BSPRY: variants seen among roughly 807,000 people sequenced by gnomAD.
BSPRY encodes B-box and SPRY domain containing.
A neutral mutation model predicts 38.0 loss-of-function variants in BSPRY; 33 were observed. The observed-to-expected ratio is 0.87, with a 90% CI of 0.66 to 1.16. BSPRY has a LOEUF of 1.16. Ranked by LOEUF, BSPRY falls within the 50% of genes most tolerant of loss-of-function variation. BSPRY has a pLI of 0.00. For missense variants in BSPRY, 523 were observed against 533.2 expected, an observed-to-expected ratio of 0.98 and a Z score of 0.19; for synonymous variants, 224 against 228.5, an observed-to-expected ratio of 0.98 and a Z score of 0.18.
intron 2 of BSPRY, among the ~76,000 whole-genome samples, chr9:113,359,901 A>G (rs997936598): frequency 6.6e-6 from 1 of 152,052 alleles, no homozygotes; most frequent in African/African-American, 2.4e-5. Flanking sequence ...AAAATTTCCC[A>G]TTCAGTCAAT....
chr9:113,350,441 C>T (rs7869980), intron 1 of BSPRY, among the ~76,000 whole-genome samples: 4,556 of 152,182 alleles, frequency 0.03, 140 homozygotes, highest in African/African-American at 0.081. Context: ...GGGAGAATAT[C>T]AGGGGATTCC....
At chr9:113,363,571 G>GT (rs1049716461) in intron 4 of BSPRY, among the ~76,000 whole-genome samples, 3 of 152,064 alleles carry the variant, frequency 2.0e-5, no homozygotes, top group Non-Finnish European at 4.4e-5. Context: ...GTATGTGGCG[G>GT]TTTTTTGGTT....
chr9:113,366,474 C>T (rs1463601397), intron 4 of BSPRY, among the ~76,000 whole-genome samples: 1 of 152,234 alleles, frequency 6.6e-6, no homozygotes, highest in Non-Finnish European at 1.5e-5. Context: ...TGACTGGACA[C>T]TGCAGCAGAT....
rs899025447 is a variant in BSPRY, at chr9:113,370,145, T to C, written c.*3T>C. 2 of 1,544,268 alleles carry C rather than the reference T, an allele frequency of 1.3e-6. No individual in the cohort carries two copies. The highest frequency in any genetic ancestry group is 8.7e-7 in the Non-Finnish European group (1 of 1,146,264). On this transcript the variant is annotated 3_prime_UTR_variant, in exon 6 of 6. Coordinates refer to ENST00000374183, the MANE Select transcript of BSPRY (RefSeq NM_017688.3). The surrounding 1 kb of genome is among the most constrained non-coding windows in gnomAD (Gnocchi z 4.8). ...AGACCATTTCTATCGTCCGCTGACC[T>C]CTGGCCACAGGAAGCCAGGTCCACC...
chr9:113,355,757 A>G (rs1484873559), intron 2 of BSPRY, among the ~76,000 whole-genome samples: 1 of 151,160 alleles, frequency 6.6e-6, no homozygotes, highest in African/African-American at 2.4e-5. Flanking sequence ...TGGGATTACA[A>G]GCGCCCACCA....
chr9:113,352,572 C>G (rs750782523), intron 1 of BSPRY, among the ~76,000 whole-genome samples: 1 of 151,962 alleles, frequency 6.6e-6, no homozygotes, highest in Non-Finnish European at 1.5e-5. Context: ...ATTTAAGGAA[C>G]AGAAAGAAGG....
chr9:113,367,717 C>T (rs1466834673), intron 4 of BSPRY, among the ~76,000 whole-genome samples: 4 of 152,214 alleles, frequency 2.6e-5, no homozygotes, highest in African/African-American at 9.6e-5. Context: ...GCACCAAGAA[C>T]ACATCTTCCT....
chr9:113,364,771 G>A (rs939477082), intron 4 of BSPRY, among the ~76,000 whole-genome samples: 1 of 152,034 alleles, frequency 6.6e-6, no homozygotes, highest in African/African-American at 2.4e-5. Context: ...TAGAAACAAA[G>A]ACATTCCCTT....
chr9:113,368,235 T>C (rs113557723), intron 4 of BSPRY, 24 bp from the exon 5 acceptor site: 2 of 1,613,166 alleles, frequency 1.2e-6, no homozygotes, highest in Non-Finnish European at 1.7e-6. Flanking sequence ...CCTGAATCTC[T>C]GTCTCTGTTT....
intron 4 of BSPRY, among the ~76,000 whole-genome samples, chr9:113,365,662 G>A (rs561879742): frequency 6.6e-6 from 1 of 152,194 alleles, no homozygotes; most frequent in South Asian, 2.1e-4. Flanking sequence ...AGGGTACTCA[G>A]TGACCTTGCT....
chr9:113,365,733 A>AAGAG (rs750918178), intron 4 of BSPRY, among the ~76,000 whole-genome samples: 27,844 of 136,984 alleles, frequency 0.2, 2,784 homozygotes, highest in Middle Eastern at 0.25. Context: ...GAGAAAGAGA[A>AAGAG]AGAGAGAGAG....
chr9:113,359,708 T>G (rs1834117959), intron 2 of BSPRY, among the ~76,000 whole-genome samples: 1 of 152,170 alleles, frequency 6.6e-6, no homozygotes, highest in Admixed American at 6.5e-5. Flanking sequence ...AATTGCCATG[T>G]GAGCACTATG....
At chr9:113,362,252 T>C (rs971355508) in intron 3 of BSPRY, 117 bp from the exon 4 acceptor site, 2 of 959,020 alleles carry the variant, frequency 2.1e-6, no homozygotes, top group African/African-American at 3.2e-5. Flanking sequence ...TCTTAAAGAC[T>C]AGAAGTTTTT....
At chr9:113,360,091 A>G (rs1834123656) in intron 2 of BSPRY, among the ~76,000 whole-genome samples, 1 of 152,142 alleles carries the variant, frequency 6.6e-6, no homozygotes, top group South Asian at 2.1e-4. Context: ...GTGAAATATC[A>G]ACTGTACCAC....
rs1214389718 is a variant in BSPRY, at chr9:113,370,583, C to G, written c.*441C>G. The G allele has an allele frequency of 6.5e-6, 1 of 154,428 alleles. No homozygotes were observed. The highest frequency in any genetic ancestry group is 2.4e-5 in the African/African-American group (1 of 41,504). The allele number at this position is 154,428 out of a possible 1,614,324, so 9.6% of individuals were successfully genotyped here. A position where few individuals can be genotyped will look rare whatever the true frequency, so the allele number is the denominator to read the frequency against. ...CCAAATCCACCATGCATCTGCCCCT[C>G]TGAGGGTGTCTTCACTTTGTCTCTG... On this transcript the variant is annotated 3_prime_UTR_variant, in exon 6 of 6. Transcript: ENST00000374183. This position sits in a 1 kb window ranked among gnomAD's most constrained non-coding sequence, Gnocchi z 4.8.
intron 2 of BSPRY, among the ~76,000 whole-genome samples, chr9:113,360,207 T>G (rs752758): frequency 6.6e-6 from 1 of 151,996 alleles, no homozygotes; most frequent in Non-Finnish European, 1.5e-5. Context: ...CAACTGTGAT[T>G]AAGCAGAGTA....
Position 113,370,267 on chromosome 9 carries a change from C to A in BSPRY, c.*125C>A. The A allele has an allele frequency of 1.7e-6, 2 of 1,204,804 alleles. No homozygotes were observed. Among genetic ancestry groups the A allele is most frequent in the Non-Finnish European group, 2.3e-6 (2 of 875,354 alleles). The allele number at this position is 1,204,804 out of a possible 1,614,324, so 74.6% of individuals were successfully genotyped here. On this transcript the variant is annotated 3_prime_UTR_variant, in exon 6 of 6. Transcript: ENST00000374183. This position sits in a 1 kb window ranked among gnomAD's most constrained non-coding sequence, Gnocchi z 4.8. ...AGAAACAGGGCCCATAACCAGTGGGCAGCTTTAGGAGGGATGGGGATCTGT... is the reference window on the plus strand; with the variant it reads ...AGAAACAGGGCCCATAACCAGTGGGAAGCTTTAGGAGGGATGGGGATCTGT...
chr9:113,362,685 C>T (rs983665630), intron 4 of BSPRY, among the ~76,000 whole-genome samples: 3 of 152,208 alleles, frequency 2.0e-5, no homozygotes, highest in South Asian at 2.1e-4. Context: ...TTACCACCTC[C>T]ATGTGCAGAT....
At chr9:113,367,766 G>T (rs899662445) in intron 4 of BSPRY, among the ~76,000 whole-genome samples, 1 of 151,984 alleles carries the variant, frequency 6.6e-6, no homozygotes, top group African/African-American at 2.4e-5. Context: ...TAAGGCTTCT[G>T]GGGGGCACAG....
Sources: gnomAD v4.1 joint callset for allele counts (sites outside exome capture counted in the v4.1 genomes callset) on GRCh38, gnomAD v4.1.1 for gene constraint, Gnocchi (gnomAD v3.1) non-coding constraint, MANE v1.5 for transcripts, NCBI Gene and HGNC (gene_info 2026-07-23, HGNC 2026-07-21) for gene names.